MUC22: variants seen among roughly 807,000 people sequenced by gnomAD.
MUC22 encodes mucin-22.
MUC22 carries 24 observed loss-of-function variants against 40.3 expected under a neutral mutation model. That is an observed-to-expected ratio of 0.60 (90% confidence interval 0.43 to 0.84). MUC22 has a LOEUF of 0.84. MUC22 is among the 40% of genes least tolerant of loss of function. The pLI is 0.00. For missense variants in MUC22, 1,926 were observed against 2,130.7 expected, an observed-to-expected ratio of 0.90 and a Z score of 1.89; for synonymous variants, 765 against 844.5, an observed-to-expected ratio of 0.91 and a Z score of 1.63.
exon 2 of MUC22, chr6:31,028,028 C>T (rs916818803): frequency 2.6e-6 from 4 of 1,533,022 alleles, no homozygotes; most frequent in African/African-American, 2.8e-5. Context: ...TCTGAGACCA[C>T]CTCAGCCTCT....
chr6:31,029,183 A>G, exon 2 of MUC22: 21 of 1,519,468 alleles, frequency 1.4e-5, no homozygotes, highest in Non-Finnish European at 1.8e-5. Context: ...GCCTCTATTG[A>G]AGGCTCTGAG....
At position 31,034,802 on chromosome 6, in the gene MUC22, A is replaced by G; in HGVS notation, c.5186A>G (p.His1729Arg). 2 of 1,535,718 alleles carry G rather than the reference A, an allele frequency of 1.3e-6. No individual in the cohort carries two copies. Among genetic ancestry groups the G allele is most frequent in the Non-Finnish European group, 1.7e-6 (2 of 1,146,910 alleles). The stretch of plus-strand genomic sequence containing the variant: ...CACAGCCTGGGAAATGCACTGGTTC[A>G]TGGAGGAGAACTTGAAATGGGACAT... The change falls in exon 4 of 4, where the codon CAT becomes CGT. Residue 1729 changes from histidine to arginine, a missense_variant. This residue lies in a region of MUC22 where 610 missense variants were observed against 714.6 expected (regional missense o/e 0.85). Transcript: ENST00000561890.
intron 1 of MUC22, among the ~76,000 whole-genome samples, chr6:31,018,485 G>A (rs1383615868): frequency 6.6e-6 from 1 of 151,986 alleles, no homozygotes; most frequent in African/African-American, 2.4e-5. Flanking sequence ...CTGTTGTGTT[G>A]GAGAGTTACC....
At chr6:31,026,984 C>A (rs1413554639) in exon 2 of MUC22, 1 of 1,493,700 alleles carries the variant, frequency 6.7e-7, no homozygotes, top group African/African-American at 1.4e-5. Flanking sequence ...ACCAACACAG[C>A]ATTTACTGAA....
chr6:31,006,873 G>A (rs1763554715), upstream of MUC22, among the ~76,000 whole-genome samples: 1 of 152,112 alleles, frequency 6.6e-6, no homozygotes, highest in African/African-American at 2.4e-5. Flanking sequence ...TGGAAGCTAG[G>A]TGCAGTGGCT....
intron 1 of MUC22, among the ~76,000 whole-genome samples, chr6:31,012,265 C>G (rs763501056): frequency 2.0e-5 from 3 of 152,168 alleles, no homozygotes; most frequent in Admixed American, 6.5e-5. Flanking sequence ...CAGTATGCAT[C>G]TGTTTCCTGC....
intron 1 of MUC22, among the ~76,000 whole-genome samples, chr6:31,018,566 T>A (rs1764436013): frequency 6.6e-6 from 1 of 152,268 alleles, no homozygotes; most frequent in South Asian, 2.1e-4. Flanking sequence ...CGTTTGTCCT[T>A]GTGGAGGTAT....
At chr6:31,025,443 C>T (rs1765197087) in intron 1 of MUC22, 59 bp from the exon 2 acceptor site, 1 of 1,440,250 alleles carries the variant, frequency 6.9e-7, no homozygotes, top group Admixed American at 2.8e-5. Context: ...TAACACTATA[C>T]TAAACCTGCA....
chr6:31,025,897 A>G, exon 2 of MUC22: 1 of 1,535,508 alleles, frequency 6.5e-7, no homozygotes, highest in Non-Finnish European at 8.7e-7. Flanking sequence ...CATGGCCTCC[A>G]GCACAACCTC....
exon 2 of MUC22, chr6:31,028,493 G>A (rs1161898464): frequency 2.0e-6 from 3 of 1,533,882 alleles, no homozygotes; most frequent in East Asian, 2.5e-5. Context: ...TCTACTACAA[G>A]CTCTGAGACC....
upstream of MUC22, among the ~76,000 whole-genome samples, chr6:31,007,544 C>A (rs1490529337): frequency 1.3e-5 from 2 of 152,140 alleles, no homozygotes; most frequent in Non-Finnish European, 2.9e-5. The surrounding 1 kb of genome is among the most constrained non-coding windows in gnomAD (Gnocchi z 4.0). Flanking sequence ...GGAAAGCAGA[C>A]CCCTTGTCCA....
chr6:31,010,397 C>T, upstream of MUC22: 1 of 337,072 alleles, frequency 3.0e-6, no homozygotes, highest in Non-Finnish European at 5.5e-6. Flanking sequence ...AATGCCCCTC[C>T]CTGGGGAGGG....
chr6:31,021,471 C>G (rs9295944), intron 1 of MUC22, among the ~76,000 whole-genome samples: 2,658 of 75,694 alleles, frequency 0.035, 249 homozygotes, highest in East Asian at 0.12. Context: ...TAGCTGCTCT[C>G]GTGGGGCCTT....
At chr6:31,007,876 C>A (rs1461921927), upstream of MUC22, among the ~76,000 whole-genome samples, 1 of 152,176 alleles carries the variant, frequency 6.6e-6, no homozygotes, top group African/African-American at 2.4e-5. This position sits in a 1 kb window ranked among gnomAD's most constrained non-coding sequence, Gnocchi z 4.0. Context: ...AAAATGTTCT[C>A]GGACCAGTCA....
At chr6:31,018,901 C>A (rs1428277357) in intron 1 of MUC22, among the ~76,000 whole-genome samples, 4 of 152,232 alleles carry the variant, frequency 2.6e-5, no homozygotes, top group African/African-American at 9.7e-5. Flanking sequence ...TGCGTCTCCT[C>A]CTCTATCTGA....
exon 2 of MUC22, chr6:31,028,531 A>G (rs747511797): frequency 6.5e-7 from 1 of 1,532,992 alleles, no homozygotes; most frequent in African/African-American, 1.4e-5. Context: ...GGGCTCTGAG[A>G]CCACTATGGC....
upstream of MUC22, among the ~76,000 whole-genome samples, chr6:31,008,795 C>A (rs1487015822): frequency 1.3e-5 from 2 of 152,100 alleles, no homozygotes; most frequent in African/African-American, 2.4e-5. Context: ...AACCCGCCCA[C>A]CTTGGCTTCC....
exon 2 of MUC22, chr6:31,025,649 C>A (rs1384493435): frequency 6.5e-7 from 1 of 1,533,268 alleles, no homozygotes. Flanking sequence ...ACCACAGGCT[C>A]TGAGACAACC....
intron 1 of MUC22, among the ~76,000 whole-genome samples, chr6:31,016,125 T>A (rs1764180245): frequency 7.1e-6 from 1 of 140,604 alleles, no homozygotes. Context: ...TAAGATGGCA[T>A]CTCTTACTTT....
Sources: allele counts gnomAD v4.1 joint callset (sites outside exome capture counted in the v4.1 genomes callset), GRCh38; gene constraint gnomAD v4.1.1; regional missense constraint gnomAD v4.1.1; non-coding constraint Gnocchi (gnomAD v3.1); transcripts MANE v1.5; gene names NCBI Gene and HGNC (gene_info 2026-07-23, HGNC 2026-07-21).